The following MALSU1 variants were observed in gnomAD, a reference collection of about 807,000 sequenced individuals.
MALSU1 encodes mitochondrial assembly of ribosomal large subunit protein 1.
Under a neutral mutation model 22.1 loss-of-function variants are expected in MALSU1, and 22 were observed. The ratio of observed to expected loss-of-function variants is 1.00; its 90% CI spans 0.71 to 1.42. MALSU1 has a LOEUF of 1.42. Among genes scored for constraint, MALSU1 ranks in the 40% most tolerant of loss-of-function variants. MALSU1 has a pLI of 0.00. For missense variants in MALSU1, 379 were observed against 308.3 expected (o/e 1.23, Z -1.72); for synonymous variants, 153 against 118.5 (o/e 1.29, Z -1.89).
chr7:23,311,182 TG>T lies in MALSU1; in HGVS notation c.*1641del, dbSNP rs1279415289. On this transcript the variant is annotated 3_prime_UTR_variant, in exon 4 of 4. Coordinates refer to ENST00000466681, the MANE Select transcript of MALSU1 (RefSeq NM_138446.2). Reference sequence around the variant, plus strand: ...AGCTTAGTGAGGCTCATGACAGTGCTGGCCCCATGGAAATGTAGCCTTTTGT... The same window carrying T: ...AGCTTAGTGAGGCTCATGACAGTGCTGCCCCATGGAAATGTAGCCTTTTGT... 1.3e-5 allele frequency: 2 copies of T among 152,176 alleles called. No individual in the cohort carries two copies. Among genetic ancestry groups the T allele is most frequent in the East Asian group, 1.9e-4 (1 of 5,192 alleles). The allele number at this position is 152,176 out of a possible 1,614,324, so 9.4% of individuals were successfully genotyped here. A position where few individuals can be genotyped will look rare whatever the true frequency, so the allele number is the denominator to read the frequency against.
In MALSU1 at chr7:23,299,445, G is replaced by A. The variant is rs1350486793; in HGVS notation, c.93G>A (p.Glu31=). The part of the protein sequence containing the change: ...SSVAGSAVGA[E]PGLRLLAVQR... ...TGGCGGGGTCCGCGGTTGGAGCCGA[G>A]CCCGGGCTTCGGCTGCTGGCCGTGC... Residue 31 remains glutamate (E), a synonymous_variant, in exon 1 of 4, where the codon GAG becomes GAA. Transcript: ENST00000466681. The A allele has an allele frequency of 2.5e-6, 4 of 1,606,200 alleles. No homozygotes were observed. The Admixed American group carries it at 5.0e-5, about 20-fold the overall frequency.
In MALSU1 at chr7:23,300,951, C is replaced by A. The variant is rs1294052141; in HGVS notation, c.369C>A (p.Tyr123Ter). Residue 123 changes from tyrosine (Y) to a stop codon, truncating the protein, a stop_gained, in exon 2 of 4, where the codon TAC becomes TAA. Transcript: ENST00000466681. LOFTEE classifies it high-confidence loss of function. The part of the protein sequence containing the change: ...QVPPEMRYTD[Y>*]FVIVSGTSTR... ...CTCCAGAAATGAGATATACAGATTA[C>A]TTTGTGATTGTTAGTGGAACTTCTA... 2 of 1,613,996 alleles carry A rather than the reference C, an allele frequency of 1.2e-6. No individual in the cohort carries two copies. Among genetic ancestry groups the A allele is most frequent in the Non-Finnish European group, 1.7e-6 (2 of 1,179,956 alleles).
chr7:23,301,150 G>T, intron 2 of MALSU1, 133 bp downstream of exon 2: 1 of 735,572 alleles, frequency 1.4e-6, no homozygotes. Context: ...TTCAGAATTT[G>T]CATGAATTCA....
At position 23,300,725 on chromosome 7, in the gene MALSU1, A is replaced by C; in HGVS notation, c.257-114A>C. 3 of 888,630 alleles carry C rather than the reference A, an allele frequency of 3.4e-6. No homozygotes were observed. In the South Asian group the frequency reaches 4.7e-5, roughly 14 times the overall value. 55.0% of individuals were successfully genotyped at this position (888,630 alleles called of 1,614,324 possible). ...GGCCTTTACCCTGCTATCTGTAAAA[A>C]CACTTTGGATCTAAACACCCTCATG... On this transcript the variant is annotated intron_variant, in intron 1 of 3. Coordinates refer to ENST00000466681, the MANE Select transcript of MALSU1 (RefSeq NM_138446.2).
rs1296496109 is a variant in MALSU1, at chr7:23,310,664, A to G, written c.*1121A>G. The G allele has an allele frequency of 3.3e-5, 5 of 152,232 alleles. No homozygotes were observed. The highest frequency in any genetic ancestry group is 1.2e-4 in the African/African-American group (5 of 41,462). The allele number at this position is 152,232 out of a possible 1,614,324, so 9.4% of individuals were successfully genotyped here. On this transcript the variant is annotated 3_prime_UTR_variant, in exon 4 of 4. Coordinates refer to ENST00000466681, the MANE Select transcript of MALSU1 (RefSeq NM_138446.2). ...GGGCACTTTTTTGGTTAAAACTACA[A>G]AAGAAACTTGTTTTCAGAGAACATT...
At chr7:23,300,770 G>GC in intron 1 of MALSU1, 69 bp from the exon 2 acceptor site, 2 of 1,321,186 alleles carry the variant, frequency 1.5e-6, no homozygotes, top group South Asian at 2.6e-5. Flanking sequence ...TCAGCTGCCG[G>GC]CATCTCTGGG....
At position 23,309,463 on chromosome 7, in the gene MALSU1, G is replaced by A; in HGVS notation, c.625G>A (p.Glu209Lys). 1 of 1,613,592 alleles carries A rather than the reference G, an allele frequency of 6.2e-7. No homozygotes were observed. ...YDDQLAQIAPETVPEDFILGI... is the reference protein window; with the variant it reads ...YDDQLAQIAPKTVPEDFILGI... ...TGACCAGTTAGCTCAGATAGCACCTGAGACAGTACCTGAAGACTTCATTCT... is the reference window on the plus strand; with the variant it reads ...TGACCAGTTAGCTCAGATAGCACCTAAGACAGTACCTGAAGACTTCATTCT... Residue 209 changes from glutamate to lysine, a missense_variant, in exon 4 of 4, where the codon GAG becomes AAG. Coordinates refer to ENST00000466681, the MANE Select transcript of MALSU1 (RefSeq NM_138446.2).
At chr7:23,303,849 T>G (rs1291780209) in intron 2 of MALSU1, among the ~76,000 whole-genome samples, 1 of 150,800 alleles carries the variant, frequency 6.6e-6, no homozygotes, top group African/African-American at 2.4e-5. Context: ...TTCACACTTG[T>G]AATCCCAGCA....
At chr7:23,300,721 A>T in intron 1 of MALSU1, 118 bp from the exon 2 acceptor site, 1 of 862,974 alleles carries the variant, frequency 1.2e-6, no homozygotes. Context: ...TGCTATCTGT[A>T]AAAACACTTT....
At position 23,301,064 on chromosome 7, in the gene MALSU1, G is replaced by T. The variant is rs765975156; in HGVS notation, c.435+47G>T. The T allele has an allele frequency of 2.6e-6, 4 of 1,539,858 alleles. No individual in the cohort carries two copies. The East Asian group carries it at 9.0e-5, about 35-fold the overall frequency. On this transcript the variant is annotated intron_variant, in intron 2 of 3. Coordinates refer to ENST00000466681, the MANE Select transcript of MALSU1 (RefSeq NM_138446.2). ...TTTGGACCATTAACTGAGTGGAATAGTGACAGTGCATCAGGCCAAGGAGCA... is the reference window on the plus strand; with the variant it reads ...TTTGGACCATTAACTGAGTGGAATATTGACAGTGCATCAGGCCAAGGAGCA...
At position 23,310,139 on chromosome 7, in the gene MALSU1, A is replaced by T. The variant is rs931384356; in HGVS notation, c.*596A>T. The T allele has an allele frequency of 1.3e-5, 2 of 152,200 alleles. No homozygotes were observed. Among genetic ancestry groups the T allele is most frequent in the Non-Finnish European group, 2.9e-5 (2 of 68,042 alleles). 9.4% of individuals were successfully genotyped at this position (152,200 alleles called of 1,614,324 possible). A position where few individuals can be genotyped will look rare whatever the true frequency, so the allele number is the denominator to read the frequency against. ...CATGGTATAACAGAAATCTGCGTAG[A>T]GTTTGAAAAAAAATTCAGAACATTC... On this transcript the variant is annotated 3_prime_UTR_variant, in exon 4 of 4. Transcript: ENST00000466681.
At chr7:23,299,690 C>A in intron 1 of MALSU1, 82 bp downstream of exon 1, 1 of 1,435,750 alleles carries the variant, frequency 7.0e-7, no homozygotes, top group South Asian at 1.3e-5. Flanking sequence ...CTGGGTTCCC[C>A]TCTATGTGCA....
At chr7:23,302,356 C>T (rs924655205) in intron 2 of MALSU1, among the ~76,000 whole-genome samples, 1 of 152,108 alleles carries the variant, frequency 6.6e-6, no homozygotes, top group Non-Finnish European at 1.5e-5. Context: ...TAGTCTTAGT[C>T]TGTTGAGAAT....
chr7:23,309,096 T>TGACA (rs1241001604), intron 3 of MALSU1, among the ~76,000 whole-genome samples: 2 of 152,220 alleles, frequency 1.3e-5, no homozygotes, highest in African/African-American at 2.4e-5. Context: ...AAGAGAATCC[T>TGACA]GACACCATTA....
At chr7:23,300,391 C>G (rs1401226034) in intron 1 of MALSU1, among the ~76,000 whole-genome samples, 1 of 152,102 alleles carries the variant, frequency 6.6e-6, no homozygotes, top group Non-Finnish European at 1.5e-5. Context: ...GGTTGTGGAC[C>G]AGATACTGCC....
Position 23,299,568 on chromosome 7 carries a change from G to A in MALSU1, c.216G>A (p.Glu72=). The change falls in exon 1 of 4, where the codon GAG becomes GAA. Residue 72 remains glutamate (E), a synonymous_variant. Coordinates refer to ENST00000466681, the MANE Select transcript of MALSU1 (RefSeq NM_138446.2). ...AGCCTGGGCTGGAGGAGCGGGCGGA[G>A]GGGACGGTCAACGAGGGACGCCCAG... ...HSEPGLEERA[E]GTVNEGRPES... 1 of 1,606,806 alleles carries A rather than the reference G, an allele frequency of 6.2e-7. No individual in the cohort carries two copies. The highest frequency in any genetic ancestry group is 8.5e-7 in the Non-Finnish European group (1 of 1,177,012).
chr7:23,301,180 G>A, intron 2 of MALSU1, 163 bp downstream of exon 2: 1 of 597,478 alleles, frequency 1.7e-6, no homozygotes, highest in South Asian at 2.5e-5. Flanking sequence ...CTTTGATAGT[G>A]AAACATATGG....
intron 2 of MALSU1, among the ~76,000 whole-genome samples, chr7:23,301,347 G>A (rs188021226): frequency 1.3e-5 from 2 of 151,694 alleles, no homozygotes; most frequent in East Asian, 3.9e-4. Context: ...CGCAACCTCC[G>A]CCTCCCGGGT....
chr7:23,307,824 C>T (rs878965327), intron 2 of MALSU1, 44 bp from the exon 3 acceptor site: 2 of 1,274,748 alleles, frequency 1.6e-6, no homozygotes, highest in East Asian at 2.3e-5. Flanking sequence ...GAACAGGCTT[C>T]CCCCATCCCC....
Sources: allele counts gnomAD v4.1 joint callset (sites outside exome capture counted in the v4.1 genomes callset), GRCh38; gene constraint gnomAD v4.1.1; transcripts MANE v1.5; gene names NCBI Gene and HGNC (gene_info 2026-07-23, HGNC 2026-07-21).